GAS2: variants seen among roughly 807,000 people sequenced by gnomAD.
GAS2 encodes the protein growth arrest specific 2.
Under a neutral mutation model 37.5 loss-of-function variants are expected in GAS2, and 20 were observed. The observed-to-expected ratio is 0.53, with a 90% CI of 0.37 to 0.77. GAS2 has a LOEUF of 0.77. Among genes scored for constraint, GAS2 ranks in the 30% least tolerant of loss-of-function variants. The pLI is 0.00. For missense variants in GAS2, 336 were observed against 373.4 expected (o/e 0.90, Z 0.82); for synonymous variants, 144 against 132.2 (o/e 1.09, Z -0.61).
chr11:22,732,246 C>A (rs1202425826), intron 4 of GAS2, among the ~76,000 whole-genome samples: 1 of 151,560 alleles, frequency 6.6e-6, no homozygotes, highest in African/African-American at 2.4e-5. Flanking sequence ...GTGGCTTAAT[C>A]CATTATTTTA....
chr11:22,696,140 T>C (rs1336061570), intron 3 of GAS2, among the ~76,000 whole-genome samples: 2 of 137,378 alleles, frequency 1.5e-5, no homozygotes, highest in Non-Finnish European at 3.1e-5. Context: ...CCCCTTCCTG[T>C]GTCCATGTGT....
chr11:22,672,389 T>C lies in GAS2; in HGVS notation c.-20-2461T>C, dbSNP rs1849240030. 4.6e-5 allele frequency among the ~76,000 whole-genome samples: 7 copies of C among 152,262 alleles called. No homozygotes were observed. In the South Asian group the frequency reaches 1.5e-3, roughly 32 times the overall value. On this transcript the variant is annotated intron_variant, in intron 1 of 7. Coordinates refer to ENST00000454584, the MANE Select transcript of GAS2 (RefSeq NM_001143830.3). ...GTCAAAGAAAATAAAAACTTCACTG[T>C]TTAGAGGTTTTGAGGGAAAGGATTG...
intron 7 of GAS2, among the ~76,000 whole-genome samples, chr11:22,773,696 A>G (rs878875808): frequency 3.9e-5 from 6 of 152,090 alleles, no homozygotes; most frequent in Non-Finnish European, 8.8e-5. Context: ...CTTATTTGCT[A>G]TGAAATGTTT....
At chr11:22,797,050 T>C (rs566896248) in intron 7 of GAS2, among the ~76,000 whole-genome samples, 17 of 152,138 alleles carry the variant, frequency 1.1e-4, no homozygotes, top group Non-Finnish European at 2.4e-4. Flanking sequence ...ATATTTATTA[T>C]GACTTTGTCT....
At chr11:22,655,868 G>A (rs1164093101) in intron 1 of GAS2, among the ~76,000 whole-genome samples, 2 of 152,124 alleles carry the variant, frequency 1.3e-5, no homozygotes, top group Admixed American at 6.5e-5. Context: ...TTAAGGATTA[G>A]TACATGAGAT....
chr11:22,747,190 TA>T (rs2134278099), intron 5 of GAS2, among the ~76,000 whole-genome samples: 1 of 152,296 alleles, frequency 6.6e-6, no homozygotes, highest in South Asian at 2.1e-4. Flanking sequence ...CTTATTTTTA[TA>T]TGAGAATAGA....
chr11:22,757,766 G>A (rs139707846), intron 7 of GAS2, among the ~76,000 whole-genome samples: 61 of 152,020 alleles, frequency 4.0e-4, no homozygotes, highest in African/African-American at 1.4e-3. Flanking sequence ...ATTACAAACC[G>A]AAACTATTTG....
At chr11:22,763,487 T>G (rs1309942091) in intron 7 of GAS2, among the ~76,000 whole-genome samples, 1 of 152,146 alleles carries the variant, frequency 6.6e-6, no homozygotes, top group Non-Finnish European at 1.5e-5. Flanking sequence ...GGCTGTTGTG[T>G]GAAAATGTAA....
intron 3 of GAS2, among the ~76,000 whole-genome samples, chr11:22,690,444 G>A (rs1850187356): frequency 6.6e-6 from 1 of 152,114 alleles, no homozygotes; most frequent in Non-Finnish European, 1.5e-5. Context: ...TAGCCTTTGT[G>A]TAGTGGGCCA....
chr11:22,712,852 G>T (rs1449610093), intron 3 of GAS2, among the ~76,000 whole-genome samples: 1 of 151,966 alleles, frequency 6.6e-6, no homozygotes, highest in Non-Finnish European at 1.5e-5. Flanking sequence ...CAAGGCAGGT[G>T]GATCACTTGA....
At chr11:22,646,528 A>G (rs971647558) in intron 1 of GAS2, among the ~76,000 whole-genome samples, 1 of 152,230 alleles carries the variant, frequency 6.6e-6, no homozygotes, top group South Asian at 2.1e-4. Flanking sequence ...ATAATCAAGG[A>G]ACATAAACTG....
At chr11:22,722,068 T>C (rs1224932325) in intron 3 of GAS2, among the ~76,000 whole-genome samples, 1 of 151,908 alleles carries the variant, frequency 6.6e-6, no homozygotes, top group Non-Finnish European at 1.5e-5. Context: ...AATCATAGCA[T>C]GAAGGGAAAT....
intron 5 of GAS2, among the ~76,000 whole-genome samples, chr11:22,741,985 T>C (rs139596507): frequency 3.8e-4 from 58 of 152,178 alleles, no homozygotes; most frequent in African/African-American, 1.3e-3. Flanking sequence ...ATTTTCTAGT[T>C]TAGGCCTCAG....
chr11:22,772,510 A>G (rs931929454), intron 7 of GAS2, among the ~76,000 whole-genome samples: 5 of 152,164 alleles, frequency 3.3e-5, no homozygotes, highest in Non-Finnish European at 5.9e-5. Context: ...GGCATTTTCT[A>G]AAAACCCTAG....
intron 1 of GAS2, among the ~76,000 whole-genome samples, chr11:22,652,991 T>TTCTTTCTTTTTTTCTTTC (rs769554594): frequency 1.6e-4 from 1 of 6,304 alleles, no homozygotes; most frequent in East Asian, 2.6e-3. Context: ...CTTTCTTTCT[T>TTCTTTCTTTTTTTCTTTC]TGTCTTTCTT....
At chr11:22,736,197 T>A (rs913291054) in intron 4 of GAS2, among the ~76,000 whole-genome samples, 2 of 152,020 alleles carry the variant, frequency 1.3e-5, no homozygotes, top group South Asian at 2.1e-4. Flanking sequence ...GAAGTTGATA[T>A]CATTCTAGCC....
chr11:22,644,739 A>G (rs919592055), intron 1 of GAS2, among the ~76,000 whole-genome samples: 1 of 152,086 alleles, frequency 6.6e-6, no homozygotes, highest in Non-Finnish European at 1.5e-5. Flanking sequence ...CTCATGCTTC[A>G]TCCTGCCAAG....
chr11:22,710,339 C>T (rs193189571), intron 3 of GAS2, among the ~76,000 whole-genome samples: 27 of 152,068 alleles, frequency 1.8e-4, no homozygotes, highest in African/African-American at 6.0e-4. Flanking sequence ...CAGATGAGTA[C>T]CCCAAAATAG....
At chr11:22,760,398 A>G (rs1454771266) in intron 7 of GAS2, among the ~76,000 whole-genome samples, 3 of 152,212 alleles carry the variant, frequency 2.0e-5, no homozygotes, top group African/African-American at 7.2e-5. Context: ...AGAAACTCTG[A>G]GGGTAGGGCC....
Sources: allele counts gnomAD v4.1 joint callset (sites outside exome capture counted in the v4.1 genomes callset), GRCh38; gene constraint gnomAD v4.1.1; transcripts MANE v1.5; gene names NCBI Gene and HGNC (gene_info 2026-07-23, HGNC 2026-07-21).